Variants in CEP170 observed in about 807,000 individuals in gnomAD.
CEP170 encodes the protein centrosomal protein of 170 kDa.
In CEP170, 21 loss-of-function variants were observed where a neutral mutation model predicts 151.9. The observed-to-expected ratio is 0.14, with a 90% CI of 0.10 to 0.20. The LOEUF (loss-of-function observed/expected upper bound fraction) is 0.20, where lower values mean the gene tolerates loss of function less well. Among genes scored for constraint, CEP170 ranks in the 10% least tolerant of loss-of-function variants. CEP170 has a pLI of 1.00. For synonymous variants in CEP170, 356 were observed against 648.8 expected (o/e 0.55, Z 6.86); for missense variants, 964 against 1,892.9 (o/e 0.51, Z 9.11).
chr1:243,149,116 AT>A (rs1436253841), intron 14 of CEP170, among the ~76,000 whole-genome samples: 1 of 152,104 alleles, frequency 6.6e-6, no homozygotes, highest in Admixed American at 6.5e-5. Context: ...ATTATTGTGA[AT>A]GAAATGTTTA....
intron 1 of CEP170, among the ~76,000 whole-genome samples, chr1:243,227,745 C>T (rs548217197): frequency 3.3e-5 from 5 of 152,212 alleles, no homozygotes; most frequent in African/African-American, 1.2e-4. Flanking sequence ...AATGTCAATA[C>T]AATAAAAAAG....
At chr1:243,207,728 A>G (rs2061518731) in intron 4 of CEP170, among the ~76,000 whole-genome samples, 1 of 147,792 alleles carries the variant, frequency 6.8e-6, no homozygotes, top group Non-Finnish European at 1.5e-5. Context: ...ACAGAAATAT[A>G]TCTGGAAAAC....
At chr1:243,126,951 G>A (rs2053767533) in intron 19 of CEP170, among the ~76,000 whole-genome samples, 1 of 152,110 alleles carries the variant, frequency 6.6e-6, no homozygotes, top group Admixed American at 6.5e-5. Flanking sequence ...CCTTTGATGT[G>A]GCACTTACGG....
chr1:243,175,531 TAA>T lies in CEP170; in HGVS notation c.1567-2687_1567-2686del, dbSNP rs754871643. Among the ~76,000 whole-genome samples, 3 of 152,344 alleles carry T rather than the reference TAA, an allele frequency of 2.0e-5. No individual in the cohort carries two copies. In the South Asian group the frequency reaches 6.2e-4, roughly 32 times the overall value. ...CAACTTTTATGTGAAAACAAATATA[TAA>T]AGTTTATACTGTCTATATACTTAAA... On this transcript the variant is annotated intron_variant, in intron 10 of 19. Coordinates refer to ENST00000366542, the MANE Select transcript of CEP170 (RefSeq NM_014812.3).
chr1:243,138,154 G>C (rs2055359752), intron 16 of CEP170, among the ~76,000 whole-genome samples: 1 of 152,198 alleles, frequency 6.6e-6, no homozygotes, highest in Admixed American at 6.5e-5. Context: ...TCAACCTTGA[G>C]ATAACTATCA....
chr1:243,195,720 T>C (rs572890140), intron 7 of CEP170, among the ~76,000 whole-genome samples: 1 of 152,268 alleles, frequency 6.6e-6, no homozygotes, highest in African/African-American at 2.4e-5. Context: ...AATTTCAAAA[T>C]GACCACATTA....
intron 15 of CEP170, among the ~76,000 whole-genome samples, chr1:243,141,198 T>C (rs1412076334): frequency 1.3e-5 from 2 of 152,044 alleles, no homozygotes; most frequent in Non-Finnish European, 2.9e-5. Context: ...CTATTTAGGA[T>C]TATCTTGTAA....
At chr1:243,179,015 C>T (rs1347084558) in intron 10 of CEP170, among the ~76,000 whole-genome samples, 1 of 152,214 alleles carries the variant, frequency 6.6e-6, no homozygotes, top group Non-Finnish European at 1.5e-5. Flanking sequence ...CTGCGCTCAG[C>T]CTCTGTCTTC....
chr1:243,154,168 T>C (rs1490453641), intron 14 of CEP170, among the ~76,000 whole-genome samples: 3 of 152,260 alleles, frequency 2.0e-5, no homozygotes, highest in African/African-American at 7.2e-5. Flanking sequence ...TCAAGTGAAA[T>C]AGTCCTAAAT....
rs555489210 is a variant in CEP170 at position 243,133,040 on chromosome 1, A to G, written c.4319+3103T>C. Among the ~76,000 whole-genome samples, 174 of 152,312 alleles carry G rather than the reference A, an allele frequency of 1.1e-3. 1 individual carries two copies. Among genetic ancestry groups the G allele is most frequent in the South Asian group, 5.6e-3 (27 of 4,828 alleles). On this transcript the variant is annotated intron_variant, in intron 17 of 19. Transcript: ENST00000366542. Reference sequence around the variant, plus strand: ...AATAATAAAATCCAAACTCCTTAACAAATTCTGCCAAAACAGATCCATCCT... The same window carrying G: ...AATAATAAAATCCAAACTCCTTAACGAATTCTGCCAAAACAGATCCATCCT...
rs904709468 is a variant in CEP170, at chr1:243,166,864, G to A, written c.1844-748C>T. ...CTAATTAATATATCCATTACCTCAC[G>A]TACTTATCTTTTTTGTGGTGAGAAC... On this transcript the variant is annotated intron_variant, in intron 12 of 19. Transcript: ENST00000366542. 3.9e-5 allele frequency among the ~76,000 whole-genome samples: 6 copies of A among 152,106 alleles called. 1 individual carries two copies. Among genetic ancestry groups the A allele is most frequent in the Admixed American group, 2.6e-4 (4 of 15,254 alleles).
At chr1:243,221,875 T>A in intron 2 of CEP170, 62 bp from the exon 3 acceptor site, 1 of 1,435,468 alleles carries the variant, frequency 7.0e-7, no homozygotes, top group South Asian at 1.3e-5. Context: ...CCAGTCACAT[T>A]TTGGCTAGAT....
intron 7 of CEP170, among the ~76,000 whole-genome samples, chr1:243,192,500 C>T (rs1358005324): frequency 6.6e-6 from 1 of 152,138 alleles, no homozygotes; most frequent in African/African-American, 2.4e-5. Context: ...CAAAGCATGT[C>T]CATTATCAAA....
intron 16 of CEP170, among the ~76,000 whole-genome samples, chr1:243,137,505 A>G (rs914450852): frequency 2.0e-5 from 3 of 152,156 alleles, no homozygotes; most frequent in Admixed American, 6.5e-5. Context: ...GGCCGGGCGC[A>G]GTGGCTCACG....
intron 4 of CEP170, among the ~76,000 whole-genome samples, chr1:243,206,171 T>C (rs1011963855): frequency 1.3e-5 from 2 of 152,222 alleles, no homozygotes; most frequent in Non-Finnish European, 2.9e-5. Context: ...AGTCTCTCTT[T>C]TGCCCAGGCT....
chr1:243,214,334 G>A (rs2062077275), intron 3 of CEP170, among the ~76,000 whole-genome samples: 1 of 131,024 alleles, frequency 7.6e-6, no homozygotes, highest in South Asian at 2.4e-4. Flanking sequence ...TGCCCAGGCT[G>A]GAGTGTAATG....
intron 14 of CEP170, among the ~76,000 whole-genome samples, chr1:243,149,810 T>C (rs1443375063): frequency 6.6e-6 from 1 of 152,144 alleles, no homozygotes; most frequent in Admixed American, 6.5e-5. Flanking sequence ...ACCCACACCA[T>C]TGAATTCTGA....
chr1:243,233,310 G>C (rs1444643630), intron 1 of CEP170, among the ~76,000 whole-genome samples: 1 of 151,970 alleles, frequency 6.6e-6, no homozygotes, highest in Non-Finnish European at 1.5e-5. Context: ...ATGATTTAAT[G>C]GACTAAAATG....
intron 7 of CEP170, among the ~76,000 whole-genome samples, chr1:243,196,269 C>T (rs2060641403): frequency 6.6e-6 from 1 of 151,896 alleles, no homozygotes; most frequent in Admixed American, 6.6e-5. Flanking sequence ...AGCGTGGACT[C>T]AGGAGTCAGG....
Sources: allele counts gnomAD v4.1 joint callset (sites outside exome capture counted in the v4.1 genomes callset), GRCh38; gene constraint gnomAD v4.1.1; transcripts MANE v1.5; gene names NCBI Gene and HGNC (gene_info 2026-07-23, HGNC 2026-07-21).